Variants in MAPK9 observed in about 807,000 individuals in gnomAD.
MAPK9 encodes the protein mitogen-activated protein kinase 9.
In MAPK9, 30 loss-of-function variants were observed where a neutral mutation model predicts 57.1. The ratio of observed to expected loss-of-function variants is 0.53; its 90% CI spans 0.39 to 0.71. MAPK9 has a LOEUF of 0.71. MAPK9 is among the 30% of genes least tolerant of loss of function. MAPK9 has a pLI of 0.00. For synonymous variants in MAPK9, 155 were observed against 177.0 expected (o/e 0.88, Z 0.99); for missense variants, 362 against 521.0 (o/e 0.69, Z 2.97).
At chr5:180,254,282 A>C (rs954123663) in intron 5 of MAPK9, among the ~76,000 whole-genome samples, 1 of 152,170 alleles carries the variant, frequency 6.6e-6, no homozygotes, top group African/African-American at 2.4e-5. Context: ...TTTCAATCTT[A>C]AACATGATCC....
rs748881662 is a variant in MAPK9, at chr5:180,269,243, T to C, written c.252+37A>G. ...CTGAAGATTACCACATTATTGACAA[T>C]ATGGAAGCACACAGACAAAATACAT... On this transcript the variant is annotated intron_variant, in intron 3 of 11. Transcript: ENST00000452135. 4.4e-6 allele frequency: 7 copies of C among 1,596,446 alleles called. No homozygotes were observed. The South Asian group carries it at 6.6e-5, about 15-fold the overall frequency.
chr5:180,233,317 T>C lies in MAPK9; in HGVS notation c.*3067A>G, dbSNP rs1209471461. On this transcript the variant is annotated 3_prime_UTR_variant, in exon 12 of 12. Transcript: ENST00000452135. ...CTGGCCACGCCTCATGAGAAAACAA[T>C]TACACCAATACTCTGAATTGGACCT... 6.6e-6 allele frequency: 1 copy of C among 152,182 alleles called. No homozygotes were observed. The highest frequency in any genetic ancestry group is 2.4e-5 in the African/African-American group (1 of 41,438). The allele number at this position is 152,182 out of a possible 1,614,324, so 9.4% of individuals were successfully genotyped here.
intron 5 of MAPK9, 61 bp from the exon 6 acceptor site, chr5:180,249,199 C>T: frequency 6.7e-7 from 1 of 1,489,928 alleles, no homozygotes; most frequent in East Asian, 2.4e-5. Context: ...AACTACTTCA[C>T]ATCCGTGAGG....
rs1408073643 is a variant in MAPK9 at position 180,291,879 on chromosome 5, G to A, written c.-79C>T. The A allele has an allele frequency of 1.4e-5, 2 of 147,254 alleles. No individual in the cohort carries two copies. The highest frequency in any genetic ancestry group is 3.0e-5 in the Non-Finnish European group (2 of 65,876). The allele number at this position is 147,254 out of a possible 1,614,324, so 9.1% of individuals were successfully genotyped here. ...TCCCCGCCGCCGCGCCACGGGGAGAGGGCGGGCGGGCGGACTGGCGGCGCT... is the reference window on the plus strand; with the variant it reads ...TCCCCGCCGCCGCGCCACGGGGAGAAGGCGGGCGGGCGGACTGGCGGCGCT... On this transcript the variant is annotated 5_prime_UTR_variant, in exon 1 of 12. Transcript: ENST00000452135.
At chr5:180,252,297 G>A (rs890753948) in intron 5 of MAPK9, among the ~76,000 whole-genome samples, 3 of 152,290 alleles carry the variant, frequency 2.0e-5, no homozygotes, top group African/African-American at 4.8e-5. Context: ...CCAGACCTGA[G>A]GCCTTATTAA....
chr5:180,241,379 G>T (rs1330289875), intron 8 of MAPK9, among the ~76,000 whole-genome samples: 1 of 151,242 alleles, frequency 6.6e-6, no homozygotes, highest in Non-Finnish European at 1.5e-5. Flanking sequence ...CTCACTGCAA[G>T]TTCCACCTCC....
intron 5 of MAPK9, chr5:180,257,949 G>C (rs1391525675): frequency 6.2e-6 from 1 of 160,386 alleles, no homozygotes; most frequent in Non-Finnish European, 1.4e-5. Flanking sequence ...TACATGCATG[G>C]GAGAAACGTG....
chr5:180,284,646 T>A (rs1227617711), intron 1 of MAPK9, among the ~76,000 whole-genome samples: 1 of 152,260 alleles, frequency 6.6e-6, no homozygotes, highest in Non-Finnish European at 1.5e-5. Context: ...TCTCTAAGTG[T>A]ATCTGACAAA....
chr5:180,234,865 T>C lies in MAPK9; in HGVS notation c.*1519A>G, dbSNP rs1456703085. The C allele has an allele frequency of 6.6e-6, 1 of 152,214 alleles. No homozygotes were observed. The highest frequency in any genetic ancestry group is 2.4e-5 in the African/African-American group (1 of 41,444). The allele number at this position is 152,214 out of a possible 1,614,324, so 9.4% of individuals were successfully genotyped here. ...TGCAGAGAGAGCCATATATTTTACA[T>C]AATATTTATAATAAACTTTCTTATC... On this transcript the variant is annotated 3_prime_UTR_variant, in exon 12 of 12. Coordinates refer to ENST00000452135, the MANE Select transcript of MAPK9 (RefSeq NM_002752.5).
chr5:180,274,204 TAA>T (rs966139412), intron 2 of MAPK9, among the ~76,000 whole-genome samples: 5 of 152,348 alleles, frequency 3.3e-5, no homozygotes, highest in African/African-American at 1.2e-4. Context: ...TATCCTATTT[TAA>T]GTGGTATCCT....
chr5:180,277,223 C>T (rs1391241807), intron 2 of MAPK9, among the ~76,000 whole-genome samples: 1 of 152,184 alleles, frequency 6.6e-6, no homozygotes, highest in African/African-American at 2.4e-5. Context: ...TGCTTTAAAG[C>T]CACACAAACT....
intron 2 of MAPK9, among the ~76,000 whole-genome samples, chr5:180,270,861 AAAAAAAAAAAAAGAAAAAG>A (rs57961567): frequency 0.021 from 3,075 of 147,958 alleles, 105 homozygotes; most frequent in African/African-American, 0.074. Flanking sequence ...AGGGTCTCAA[AAAAAAAAAAAAAGAAAAAG>A]AAAAAGAAAA....
chr5:180,273,224 ATCT>A (rs1761509457), intron 2 of MAPK9, among the ~76,000 whole-genome samples: 3 of 151,868 alleles, frequency 2.0e-5, no homozygotes, highest in Non-Finnish European at 4.4e-5. Context: ...TATCTTTATA[ATCT>A]TCTTGACTGT....
chr5:180,283,444 A>G (rs1398918022), intron 1 of MAPK9, among the ~76,000 whole-genome samples: 1 of 152,242 alleles, frequency 6.6e-6, no homozygotes, highest in East Asian at 1.9e-4. Flanking sequence ...CTCATGGCAC[A>G]GAGCCACCCC....
At chr5:180,260,021 T>C (rs554749770) in intron 5 of MAPK9, among the ~76,000 whole-genome samples, 1 of 152,384 alleles carries the variant, frequency 6.6e-6, no homozygotes, top group East Asian at 1.9e-4. Context: ...AATGTGATGA[T>C]GCCTTTATAT....
intron 11 of MAPK9, chr5:180,237,358 G>A (rs945538708): frequency 6.6e-6 from 1 of 152,202 alleles, no homozygotes; most frequent in African/African-American, 2.4e-5. Context: ...GAGTGGGAGA[G>A]AGACAATGAT....
In MAPK9 at chr5:180,282,968, G is replaced by A. The variant is rs73343419; in HGVS notation, c.-47-2360C>T. Among the ~76,000 whole-genome samples the A allele has an allele frequency of 3.5e-3, 535 of 152,272 alleles. 4 individuals are homozygous for A. The highest frequency in any genetic ancestry group is 0.013 in the African/African-American group (522 of 41,550). On this transcript the variant is annotated intron_variant, in intron 1 of 11. Coordinates refer to ENST00000452135, the MANE Select transcript of MAPK9 (RefSeq NM_002752.5). ...CAAGTCACTAGGGACTTGCTGGGTA[G>A]AGGGCGAGTGAAGCTGGAGAGAGAA...
At chr5:180,257,353 G>A (rs1215827840) in intron 5 of MAPK9, among the ~76,000 whole-genome samples, 1 of 152,184 alleles carries the variant, frequency 6.6e-6, no homozygotes, top group Non-Finnish European at 1.5e-5. Flanking sequence ...GCTTATTTCT[G>A]TAGTAACAGG....
At chr5:180,241,230 T>G in intron 8 of MAPK9, 75 bp from the exon 9 acceptor site, 1 of 1,345,218 alleles carries the variant, frequency 7.4e-7, no homozygotes, top group Non-Finnish European at 1.0e-6. Context: ...GAACTAAATA[T>G]GACAACACAG....
Sources: allele counts gnomAD v4.1 joint callset (sites outside exome capture counted in the v4.1 genomes callset), GRCh38; gene constraint gnomAD v4.1.1; transcripts MANE v1.5; gene names NCBI Gene and HGNC (gene_info 2026-07-23, HGNC 2026-07-21).